The following TERB2 variants were observed in gnomAD, a reference collection of about 807,000 sequenced individuals.
TERB2 encodes telomere repeat binding bouquet formation protein 2, also known as telomere repeats-binding bouquet formation protein 2.
Under a neutral mutation model 29.8 loss-of-function variants are expected in TERB2, and 26 were observed. The observed-to-expected ratio is 0.87, with a 90% CI of 0.64 to 1.21. TERB2 has a LOEUF of 1.21. TERB2 is among the 50% of genes most tolerant of loss of function. The pLI is 0.00. For synonymous variants in TERB2, 80 were observed against 90.8 expected, an observed-to-expected ratio of 0.88 and a Z score of 0.68; for missense variants, 240 against 268.6, an observed-to-expected ratio of 0.89 and a Z score of 0.74.
intron 4 of TERB2, among the ~76,000 whole-genome samples, chr15:44,963,107 C>A (rs1782608631): frequency 6.6e-6 from 1 of 152,116 alleles, no homozygotes; most frequent in South Asian, 2.1e-4. Context: ...TTTTTAAAAC[C>A]CTCAATTTAA....
At chr15:44,957,529 T>G (rs2141237593) in intron 2 of TERB2, among the ~76,000 whole-genome samples, 1 of 152,276 alleles carries the variant, frequency 6.6e-6, no homozygotes, top group South Asian at 2.1e-4. Flanking sequence ...GCCTGTGTTC[T>G]CCAAAACTTT....
At chr15:44,958,541 G>A (rs190839374) in intron 3 of TERB2, 29 bp downstream of exon 3, 1 of 1,576,040 alleles carries the variant, frequency 6.3e-7, no homozygotes, top group African/African-American at 1.4e-5. Flanking sequence ...GCCAATCCCT[G>A]TCAGACAGCC....
chr15:44,960,494 A>G (rs1891783999), intron 3 of TERB2, among the ~76,000 whole-genome samples: 4 of 152,210 alleles, frequency 2.6e-5, no homozygotes, highest in African/African-American at 9.7e-5. Flanking sequence ...CAGCCTGGGC[A>G]ACATGCTGAG....
intron 6 of TERB2, among the ~76,000 whole-genome samples, chr15:44,977,908 T>G (rs1237580330): frequency 6.6e-6 from 1 of 152,242 alleles, no homozygotes; most frequent in African/African-American, 2.4e-5. Flanking sequence ...CCTTAAGCTG[T>G]CTCCATTCTA....
chr15:44,975,588 C>T (rs529203668), intron 6 of TERB2, among the ~76,000 whole-genome samples: 17 of 152,124 alleles, frequency 1.1e-4, no homozygotes, highest in African/African-American at 3.4e-4. Flanking sequence ...TCAGTTTTGG[C>T]GCTACTGGCA....
At chr15:44,957,102 T>G in intron 2 of TERB2, 125 bp downstream of exon 2, 1 of 1,013,278 alleles carries the variant, frequency 9.9e-7, no homozygotes, top group Non-Finnish European at 1.5e-6. Flanking sequence ...TAATCCCAGC[T>G]ACTGGGAAGA....
At chr15:44,964,995 C>T (rs1029495655) in intron 4 of TERB2, among the ~76,000 whole-genome samples, 3 of 151,556 alleles carry the variant, frequency 2.0e-5, no homozygotes, top group African/African-American at 4.9e-5. Context: ...AACCCCGTCT[C>T]TACTAAAAAT....
chr15:44,968,752 C>T (rs1891925398), intron 5 of TERB2, among the ~76,000 whole-genome samples: 1 of 151,930 alleles, frequency 6.6e-6, no homozygotes, highest in South Asian at 2.1e-4. Context: ...CAGGCATGAG[C>T]CACCACACCT....
Position 44,961,915 on chromosome 15 carries a change from T to G in TERB2, c.348+331T>G, listed in dbSNP as rs143276581. 1.9e-3 allele frequency among the ~76,000 whole-genome samples: 285 copies of G among 152,182 alleles called. 1 individual carries two copies. The highest frequency in any genetic ancestry group is 3.0e-3 in the Non-Finnish European group (201 of 67,986). ...GGGTTTCACCATGTTGGCCAGGCTG[T>G]TCTCGAACTCTGGCCCTCAAGTGAT... On this transcript the variant is annotated intron_variant, in intron 4 of 6. Coordinates refer to ENST00000340827, the MANE Select transcript of TERB2 (RefSeq NM_152448.3).
Position 44,958,438 on chromosome 15 carries a change from C to G in TERB2, c.212C>G (p.Ala71Gly). ...ATVFHAYYLS[A>G]VANAKIKNSV... Reference sequence around the variant, plus strand: ...GTTTTTCATGCCTACTATCTCTCTGCGGTAGCTAATGCCAAAATAAAAAAC... The same window carrying G: ...GTTTTTCATGCCTACTATCTCTCTGGGGTAGCTAATGCCAAAATAAAAAAC... Residue 71 changes from alanine (A) to glycine (G), a missense_variant, in exon 3 of 7, where the codon GCG becomes GGG. Coordinates refer to ENST00000340827, the MANE Select transcript of TERB2 (RefSeq NM_152448.3). 1 of 1,614,106 alleles carries G rather than the reference C, an allele frequency of 6.2e-7. No individual in the cohort carries two copies. Among genetic ancestry groups the G allele is most frequent in the Non-Finnish European group, 8.5e-7 (1 of 1,180,008 alleles).
chr15:44,956,984 A>G lies in TERB2; in HGVS notation c.146+7A>G. 1 of 1,611,586 alleles carries G rather than the reference A, an allele frequency of 6.2e-7. No homozygotes were observed. The highest frequency in any genetic ancestry group is 8.5e-7 in the Non-Finnish European group (1 of 1,178,870). On this transcript the variant is annotated splice_region_variant and intron_variant, in intron 2 of 6. Transcript: ENST00000340827. ...CGCACCCAGACACGCTGAGGTACTG[A>G]GGGCGACCTGGCAGTGCCTCTTATG...
At chr15:44,961,761 G>A (rs145546372) in intron 4 of TERB2, among the ~76,000 whole-genome samples, 177 bp downstream of exon 4, 1 of 152,176 alleles carries the variant, frequency 6.6e-6, no homozygotes, top group Non-Finnish European at 1.5e-5. Context: ...GTGTAGCAAC[G>A]CGATCTCGGC....
chr15:44,964,722 G>T (rs1409243414), intron 4 of TERB2, among the ~76,000 whole-genome samples: 1 of 151,946 alleles, frequency 6.6e-6, no homozygotes, highest in African/African-American at 2.4e-5. Context: ...TCAAAATATT[G>T]GTTGATATGA....
At chr15:44,961,651 T>C (rs920482652) in intron 4 of TERB2, 67 bp downstream of exon 4, 2 of 1,074,262 alleles carry the variant, frequency 1.9e-6, no homozygotes, top group Non-Finnish European at 2.8e-6. Context: ...CAAGGTTATC[T>C]TTAAAATGTT....
chr15:44,966,871 G>A (rs1400761899), intron 5 of TERB2, among the ~76,000 whole-genome samples: 11 of 152,140 alleles, frequency 7.2e-5, no homozygotes, highest in East Asian at 3.9e-4. Flanking sequence ...GGCTGAAGCC[G>A]GATGACTGCT....
At chr15:44,975,715 C>T (rs75972482) in intron 6 of TERB2, among the ~76,000 whole-genome samples, 4,192 of 151,692 alleles carry the variant, frequency 0.028, 157 homozygotes, top group African/African-American at 0.079. Flanking sequence ...CCCATCTCTC[C>T]CCCAGTTGTG....
intron 2 of TERB2, among the ~76,000 whole-genome samples, chr15:44,957,336 T>C (rs1053033956): frequency 6.6e-6 from 1 of 151,786 alleles, no homozygotes; most frequent in Non-Finnish European, 1.5e-5. Flanking sequence ...GGGAAAGAAA[T>C]AGACAACCTC....
At position 44,961,973 on chromosome 15, in the gene TERB2, T is replaced by C. The variant is rs550389791; in HGVS notation, c.348+389T>C. 2.0e-5 allele frequency among the ~76,000 whole-genome samples: 3 copies of C among 152,306 alleles called. No homozygotes were observed. The East Asian group carries it at 5.8e-4, about 29-fold the overall frequency. Reference sequence around the variant, plus strand: ...CCTTGACCTCCCGAAGTGCTGGGATTACAGGCGTGAGCCACTGTGCCCAGC... The same window carrying C: ...CCTTGACCTCCCGAAGTGCTGGGATCACAGGCGTGAGCCACTGTGCCCAGC... On this transcript the variant is annotated intron_variant, in intron 4 of 6. Coordinates refer to ENST00000340827, the MANE Select transcript of TERB2 (RefSeq NM_152448.3).
intron 5 of TERB2, among the ~76,000 whole-genome samples, chr15:44,972,860 T>C (rs1354512195): frequency 6.6e-6 from 1 of 151,872 alleles, no homozygotes; most frequent in Non-Finnish European, 1.5e-5. Context: ...TTTTAGATTT[T>C]ATAATTGTAT....
Sources: allele counts gnomAD v4.1 joint callset (sites outside exome capture counted in the v4.1 genomes callset), GRCh38; gene constraint gnomAD v4.1.1; transcripts MANE v1.5; gene names NCBI Gene and HGNC (gene_info 2026-07-23, HGNC 2026-07-21).